HMGXB3: variants seen among roughly 807,000 people sequenced by gnomAD.
HMGXB3 encodes the protein HMG domain-containing protein 3.
In HMGXB3, 45 loss-of-function variants were observed where a neutral mutation model predicts 121.5. That is an observed-to-expected ratio of 0.37 (90% CI 0.29 to 0.47). The LOEUF is 0.47. HMGXB3 is among the 20% of genes least tolerant of loss of function. HMGXB3 has a pLI of 0.99. For missense variants in HMGXB3, 1,376 were observed against 1,602.2 expected, an observed-to-expected ratio of 0.86 and a Z score of 2.41; for synonymous variants, 590 against 624.1, an observed-to-expected ratio of 0.95 and a Z score of 0.81.
rs1756404164 is a variant in HMGXB3, at chr5:150,032,531, C to G, written c.1911C>G (p.His637Gln). Residue 637 changes from histidine (H) to glutamine (Q), a missense_variant, in exon 11 of 20, where the codon CAC becomes CAG. Physicochemically the swap from His to Gln is conservative, Grantham distance 24. This residue lies in a region of HMGXB3 where 1,116 missense variants were observed against 1,369.0 expected (regional missense o/e 0.82). Coordinates refer to ENST00000502717, the MANE Select transcript of HMGXB3 (RefSeq NM_014983.3). ...PSCSYVYTNR[H>Q]KPRICPSCGV... Reference sequence around the variant, plus strand: ...GTAGCTATGTCTACACCAACAGGCACAAACCTCGAATTTGTCCCAGCTGTG... The same window carrying G: ...GTAGCTATGTCTACACCAACAGGCAGAAACCTCGAATTTGTCCCAGCTGTG... 1.9e-6 allele frequency: 3 copies of G among 1,552,134 alleles called. No individual in the cohort carries two copies. Among genetic ancestry groups the G allele is most frequent in the Non-Finnish European group, 1.7e-6 (2 of 1,147,054 alleles).
chr5:150,018,439 T>A, intron 5 of HMGXB3, 127 bp from the exon 6 acceptor site: 2 of 726,588 alleles, frequency 2.8e-6, no homozygotes. Flanking sequence ...ACACTGACCT[T>A]TTATGATATG....
At chr5:150,048,477 C>A in intron 17 of HMGXB3, 92 bp from the exon 18 acceptor site, 1 of 876,442 alleles carries the variant, frequency 1.1e-6, no homozygotes, top group Non-Finnish European at 1.8e-6. Flanking sequence ...TATTCTTTTG[C>A]TTTGGGTGTT....
In HMGXB3 at chr5:150,042,013, C is replaced by T. The variant is rs1411939662; in HGVS notation, c.2730+44C>T. ...CCGTGAGGGACCTGCGGAATTTTCT[C>T]ATTTTGGCACCTCCCTTCCTATATG... On this transcript the variant is annotated intron_variant, in intron 15 of 19. Coordinates refer to ENST00000502717, the MANE Select transcript of HMGXB3 (RefSeq NM_014983.3). The T allele has an allele frequency of 4.0e-6, 6 of 1,486,714 alleles. No homozygotes were observed. In the Middle Eastern group the frequency reaches 5.2e-4, roughly 128 times the overall value. The allele number at this position is 1,486,714 out of a possible 1,614,324, so 92.1% of individuals were successfully genotyped here.
chr5:150,052,097 A>G lies in HMGXB3; in HGVS notation c.3784A>G (p.Ile1262Val), dbSNP rs1756923717. ...VQSCQPGEVVIRDTLYRLGVA... is the reference protein window; with the variant it reads ...VQSCQPGEVVVRDTLYRLGVA... ...GAGCTGCCAGCCTGGTGAGGTGGTC[A>G]TTCGTGACACCCTCTACCGCCTTGG... The change falls in exon 20 of 20, where the codon ATT becomes GTT. Residue 1262 changes from isoleucine (I) to valine (V), a missense_variant. Physicochemically the swap from Ile to Val is conservative, Grantham distance 29. Transcript: ENST00000502717. The G allele has an allele frequency of 1.3e-6, 2 of 1,551,852 alleles. No homozygotes were observed. Among genetic ancestry groups the G allele is most frequent in the Non-Finnish European group, 1.7e-6 (2 of 1,147,038 alleles).
intron 18 of HMGXB3, among the ~76,000 whole-genome samples, 189 bp downstream of exon 18, chr5:150,048,874 A>G (rs1756822579): frequency 6.6e-6 from 1 of 152,128 alleles, no homozygotes; most frequent in African/African-American, 2.4e-5. Flanking sequence ...AGTATTTTTT[A>G]AGCACCCTAC....
chr5:150,026,577 C>A, intron 7 of HMGXB3, 129 bp from the exon 8 acceptor site: 1 of 741,330 alleles, frequency 1.3e-6, no homozygotes, highest in Non-Finnish European at 2.2e-6. Flanking sequence ...TGAATTTGAA[C>A]TCAATCTGTC....
Position 150,010,268 on chromosome 5 carries a change from C to A in HMGXB3, c.470C>A (p.Ser157Tyr), listed in dbSNP as rs753868898. 1.9e-6 allele frequency: 3 copies of A among 1,551,782 alleles called. No homozygotes were observed. Among genetic ancestry groups the A allele is most frequent in the Non-Finnish European group, 8.7e-7 (1 of 1,147,014 alleles). Residue 157 changes from serine to tyrosine, a missense_variant, in exon 4 of 20, where the codon TCC (serine) becomes TAC (tyrosine). Ser to Tyr is a moderately radical substitution (Grantham distance 144). Around this residue, in one of 2 missense-constraint regions of HMGXB3, gnomAD observed 1,116 missense variants for 1,369.0 expected, o/e 0.82. Transcript: ENST00000502717. ...CTATGTGTGGCTCAGAACCAGATGTCCCCGAAAGGACCTCCTCTTGTGTCC... is the reference window on the plus strand; with the variant it reads ...CTATGTGTGGCTCAGAACCAGATGTACCCGAAAGGACCTCCTCTTGTGTCC... ...LELCVAQNQM[S>Y]PKGPPLVSNT...
intron 18 of HMGXB3, 142 bp downstream of exon 18, chr5:150,048,827 ACC>A: frequency 1.5e-6 from 1 of 659,378 alleles, no homozygotes; most frequent in South Asian, 1.8e-5. Context: ...GTCAGGTGCT[ACC>A]CCCTGGGCTA....
chr5:150,026,749 G>A lies in HMGXB3; in HGVS notation c.1504G>A (p.Gly502Ser), dbSNP rs747748519. Residue 502 changes from glycine to serine, a missense_variant, in exon 8 of 20, where the codon GGC becomes AGC. Transcript: ENST00000502717. ...TPGSRAPELK[G>S]RARGKPSLLA... is the part of the protein sequence containing the mutation. ...TGGGTCCAGAGCTCCAGAGCTTAAA[G>A]GCAGAGCACGGGGCAAGCCCTCATT... The A allele has an allele frequency of 7.1e-6, 11 of 1,551,408 alleles. No homozygotes were observed. Among genetic ancestry groups the A allele is most frequent in the Non-Finnish European group, 9.6e-6 (11 of 1,146,962 alleles).
At chr5:150,007,732 A>C (rs562512524) in intron 3 of HMGXB3, among the ~76,000 whole-genome samples, 1 of 151,506 alleles carries the variant, frequency 6.6e-6, no homozygotes, top group Admixed American at 6.6e-5. Context: ...AAGCTTATCT[A>C]CTCCCTTTGG....
Position 150,051,840 on chromosome 5 carries a change from G to A in HMGXB3, c.3527G>A (p.Gly1176Asp), listed in dbSNP as rs1756909747. Residue 1176 changes from glycine (G) to aspartate (D), a missense_variant, in exon 20 of 20, where the codon GGC (glycine) becomes GAC (aspartate). Coordinates refer to ENST00000502717, the MANE Select transcript of HMGXB3 (RefSeq NM_014983.3). ...GCCACGCGGCGCATCGTCCATGCAG[G>A]CCTACAGCCCAATCCTGGTGACCCC... The part of the protein sequence containing the change: ...KTATRRIVHA[G>D]LQPNPGDPSA... 1 of 1,550,350 alleles carries A rather than the reference G, an allele frequency of 6.5e-7. No individual in the cohort carries two copies. The highest frequency in any genetic ancestry group is 8.7e-7 in the Non-Finnish European group (1 of 1,147,090).
rs756314660 is a variant in HMGXB3, at chr5:150,010,163, G to T, written c.365G>T (p.Arg122Leu). The T allele has an allele frequency of 1.3e-6, 2 of 1,551,656 alleles. No individual in the cohort carries two copies. The highest frequency in any genetic ancestry group is 1.7e-6 in the Non-Finnish European group (2 of 1,146,994). Residue 122 changes from arginine to leucine, a missense_variant, in exon 4 of 20, where the codon CGC becomes CTC. Physicochemically the swap from Arg to Leu is moderately radical, Grantham distance 102. Coordinates refer to ENST00000502717, the MANE Select transcript of HMGXB3 (RefSeq NM_014983.3). Reference protein sequence around the residue: ...TAVVPDIPGFRKILPRSDYII... With the variant: ...TAVVPDIPGFLKILPRSDYII... The stretch of plus-strand genomic sequence containing the variant: ...GTGGTTCCGGACATCCCAGGTTTCC[G>T]CAAGATCCTCCCACGCTCAGATTAT...
intron 13 of HMGXB3, among the ~76,000 whole-genome samples, chr5:150,040,104 C>A (rs912724997): frequency 6.6e-6 from 1 of 152,074 alleles, no homozygotes; most frequent in Non-Finnish European, 1.5e-5. Context: ...TACCTTTGGT[C>A]CTGAGGACTG....
In HMGXB3 at chr5:150,047,676, T is replaced by A; in HGVS notation, c.3003T>A (p.Asp1001Glu). The A allele has an allele frequency of 7.7e-6, 12 of 1,551,736 alleles. No homozygotes were observed. Among genetic ancestry groups the A allele is most frequent in the Non-Finnish European group, 9.6e-6 (11 of 1,146,984 alleles). ...TCCAGGAGGGCACCTGCAAGCTTGA[T>A]GAGATTGGCTCCTACAGTGAAGAGA... ...RLLQEGTCKL[D>E]EIGSYSEEKL... Residue 1001 changes from aspartate to glutamate, a missense_variant, in exon 17 of 20, where the codon GAT (aspartate) becomes GAA (glutamate). This residue lies in a region of HMGXB3 where 1,116 missense variants were observed against 1,369.0 expected (regional missense o/e 0.82). Transcript: ENST00000502717.
rs1756936289 is a variant in HMGXB3 at position 150,052,283 on chromosome 5, G to A, written c.*91G>A. 1.9e-6 allele frequency: 2 copies of A among 1,041,896 alleles called. No homozygotes were observed. Among genetic ancestry groups the A allele is most frequent in the African/African-American group, 1.6e-5 (1 of 62,872 alleles). The allele number at this position is 1,041,896 out of a possible 1,614,324, so 64.5% of individuals were successfully genotyped here. On this transcript the variant is annotated 3_prime_UTR_variant, in exon 20 of 20. Transcript: ENST00000502717. ...GCTATCCAGGGGACCTGCAGAAGTG[G>A]TCTCCTGTGGGGAGGGCCTCTGACT...
In HMGXB3 at chr5:150,030,495, T is replaced by C. The variant is rs1467961814; in HGVS notation, c.1735-246T>C. 7.1e-6 allele frequency: 3 copies of C among 423,488 alleles called. No homozygotes were observed. In the Admixed American group the frequency reaches 1.2e-4, roughly 17 times the overall value. 26.2% of individuals were successfully genotyped at this position (423,488 alleles called of 1,614,324 possible). On this transcript the variant is annotated intron_variant, in intron 9 of 19. Transcript: ENST00000502717. ...TATAACTCAGTAGTAGTTGTAAATCTGATTCATGGTGTTTCTAATACATGG... is the reference window on the plus strand; with the variant it reads ...TATAACTCAGTAGTAGTTGTAAATCCGATTCATGGTGTTTCTAATACATGG...
At chr5:150,030,618 C>G (rs1328312833) in intron 9 of HMGXB3, 123 bp from the exon 10 acceptor site, 12 of 722,656 alleles carry the variant, frequency 1.7e-5, no homozygotes, top group Non-Finnish European at 1.2e-5. Context: ...GTCCAGAGGG[C>G]TCATTTGGAG....
chr5:150,045,032 G>A (rs950636473), intron 15 of HMGXB3, among the ~76,000 whole-genome samples: 1 of 152,188 alleles, frequency 6.6e-6, no homozygotes, highest in Non-Finnish European at 1.5e-5. Flanking sequence ...AGCAGTAAGG[G>A]TTTGGGCTTT....
intron 8 of HMGXB3, 41 bp from the exon 9 acceptor site, chr5:150,026,979 G>A (rs1171230950): frequency 1.9e-6 from 3 of 1,544,262 alleles, no homozygotes; most frequent in Admixed American, 2.0e-5. Flanking sequence ...GGGAGACTCT[G>A]AATGCACTTA....
Sources: gnomAD v4.1 joint callset for allele counts (sites outside exome capture counted in the v4.1 genomes callset) on GRCh38, gnomAD v4.1.1 for gene constraint, gnomAD v4.1.1 regional missense constraint, MANE v1.5 for transcripts, NCBI Gene and HGNC (gene_info 2026-07-23, HGNC 2026-07-21) for gene names.